Variants in GABRA3 observed in about 807,000 individuals in gnomAD.
The protein encoded by GABRA3 is gamma-aminobutyric acid type A receptor subunit alpha3, also known as gamma-aminobutyric acid receptor subunit alpha-3.
Under a neutral mutation model 30.1 loss-of-function variants are expected in GABRA3, and 10 were observed. The ratio of observed to expected loss-of-function variants is 0.33; its 90% CI spans 0.20 to 0.56. The LOEUF is 0.56. Ranked by LOEUF, GABRA3 falls within the 20% of genes least tolerant of loss-of-function variation. The pLI, the probability that GABRA3 is intolerant of heterozygous loss-of-function variation, is 0.89. For missense variants in GABRA3, 233 were observed against 392.0 expected (o/e 0.59, Z 3.42); for synonymous variants, 151 against 146.8 (o/e 1.03, Z -0.21).
rs370283601 is a variant in GABRA3, at chrX:152,269,201, T to A, written c.331-13203A>T. Among the ~76,000 whole-genome samples the A allele has an allele frequency of 5.4e-5, 6 of 111,982 alleles. No homozygotes were observed. The East Asian group carries it at 1.7e-3, about 31-fold the overall frequency. The stretch of plus-strand genomic sequence containing the variant: ...ATTCAAAAACAGTAACATTTATATA[T>A]GCCAATGTCAGACAAATCAAGAAGG... On this transcript the variant is annotated intron_variant, in intron 4 of 9. Transcript: ENST00000370314.
chrX:152,322,151 T>A (rs191091311), intron 3 of GABRA3, among the ~76,000 whole-genome samples: 6 of 112,390 alleles, frequency 5.3e-5, no homozygotes, highest in African/African-American at 1.9e-4. Context: ...TATTATTCAT[T>A]CATAAAAAAG....
At chrX:152,176,400 A>G (rs1937076367) in intron 9 of GABRA3, among the ~76,000 whole-genome samples, 1 of 111,934 alleles carries the variant, frequency 8.9e-6, no homozygotes, top group African/African-American at 3.2e-5. Flanking sequence ...TAATGAGGCT[A>G]GTGAAGAGGT....
rs1236363610 is a variant in GABRA3 at position 152,401,281 on chromosome X, TATATATAC to T, written c.-26-36693_-26-36686del. On this transcript the variant is annotated intron_variant, in intron 1 of 9. Coordinates refer to ENST00000370314, the MANE Select transcript of GABRA3 (RefSeq NM_000808.4). ...TTTAATGTGTGTATATATATATATA[TATATATAC>T]ACACACACACACACAAACACATATA... Among the ~76,000 whole-genome samples the T allele has an allele frequency of 8.7e-5, 9 of 103,293 alleles. No individual in the cohort carries two copies. In the South Asian group the frequency reaches 3.4e-3, roughly 39 times the overall value. The allele number at this position is 103,293 out of a possible 115,157, so 89.7% of individuals were successfully genotyped here. A position where few individuals can be genotyped will look rare whatever the true frequency, so the allele number is the denominator to read the frequency against.
At chrX:152,362,199 G>A (rs1174646931) in intron 2 of GABRA3, among the ~76,000 whole-genome samples, 3 of 110,099 alleles carry the variant, frequency 2.7e-5, no homozygotes, top group Non-Finnish European at 3.8e-5. Flanking sequence ...AAATAATTAG[G>A]AATACTTCCT....
intron 3 of GABRA3, among the ~76,000 whole-genome samples, chrX:152,308,609 C>G (rs989312802): frequency 8.9e-6 from 1 of 111,820 alleles, no homozygotes; most frequent in Non-Finnish European, 1.9e-5. Flanking sequence ...CAGTCAAACC[C>G]TAAACGGCAT....
intron 1 of GABRA3, among the ~76,000 whole-genome samples, chrX:152,376,285 AT>A (rs1231872359): frequency 3.8e-5 from 4 of 106,110 alleles, no homozygotes; most frequent in South Asian, 4.2e-4. Context: ...CAAAACTCTT[AT>A]TTTTTTTTTC....
intron 5 of GABRA3, among the ~76,000 whole-genome samples, chrX:152,241,307 CTCAGGGG>C (rs775228361): frequency 0.099 from 6,862 of 69,431 alleles, 1,080 homozygotes; most frequent in Non-Finnish European, 0.2. Context: ...AGTTAGGCTG[CTCAGGGG>C]TCAGGGGTCA....
chrX:152,270,991 C>T (rs1214183739), intron 4 of GABRA3, among the ~76,000 whole-genome samples: 1 of 105,493 alleles, frequency 9.5e-6, no homozygotes, highest in Non-Finnish European at 1.9e-5. Context: ...GAGAAAGCCT[C>T]GCTTTTGTCC....
At chrX:152,250,650 T>TCCTACACTGCTCCCAG (rs1938537558) in intron 5 of GABRA3, 1 of 111,310 alleles carries the variant, frequency 9.0e-6, no homozygotes, top group Non-Finnish European at 1.9e-5. Context: ...GTTCCAATTT[T>TCCTACACTGCTCCCAG]AGTATGTGTG....
At chrX:152,381,502 G>A (rs926647615) in intron 1 of GABRA3, among the ~76,000 whole-genome samples, 1 of 110,966 alleles carries the variant, frequency 9.0e-6, no homozygotes, top group Non-Finnish European at 1.9e-5. Flanking sequence ...TCTCATTCAC[G>A]GGGTTGTCTC....
chrX:152,322,495 A>T (rs1603241186), intron 3 of GABRA3, among the ~76,000 whole-genome samples: 1 of 111,023 alleles, frequency 9.0e-6, no homozygotes, highest in African/African-American at 3.3e-5. Context: ...TGTTATGTGA[A>T]TTTCACCACA....
At chrX:152,434,856 C>A (rs1044571479) in intron 1 of GABRA3, among the ~76,000 whole-genome samples, 4 of 111,276 alleles carry the variant, frequency 3.6e-5, no homozygotes, top group African/African-American at 1.3e-4. Flanking sequence ...ATAAAAATCC[C>A]TCACCAAACT....
chrX:152,354,530 C>G (rs978112016), intron 2 of GABRA3, among the ~76,000 whole-genome samples: 1 of 111,218 alleles, frequency 9.0e-6, no homozygotes, highest in Non-Finnish European at 1.9e-5. Flanking sequence ...CCATATTATG[C>G]CAAGAGAATA....
At chrX:152,244,925 G>C (rs1488622874) in intron 5 of GABRA3, among the ~76,000 whole-genome samples, 1 of 111,518 alleles carries the variant, frequency 9.0e-6, no homozygotes, top group East Asian at 2.8e-4. Context: ...TTAGACTTTT[G>C]CACATAGAAT....
At chrX:152,411,064 C>G (rs1206761146) in intron 1 of GABRA3, among the ~76,000 whole-genome samples, 1 of 111,966 alleles carries the variant, frequency 8.9e-6, no homozygotes, top group African/African-American at 3.2e-5. Context: ...AATCCCAGCA[C>G]TTGGGGAGGC....
chrX:152,435,601 G>A (rs927459557), intron 1 of GABRA3, among the ~76,000 whole-genome samples: 1 of 109,215 alleles, frequency 9.2e-6, no homozygotes, highest in Non-Finnish European at 1.9e-5. Flanking sequence ...GTCAGGGGGT[G>A]GGGGGCTAGG....
intron 1 of GABRA3, among the ~76,000 whole-genome samples, chrX:152,417,406 A>G (rs945951336): frequency 9.1e-6 from 1 of 110,357 alleles, no homozygotes; most frequent in Non-Finnish European, 1.9e-5. Flanking sequence ...GAGAAATAGG[A>G]ACACTTTTAC....
chrX:152,439,869 A>T (rs1168251308), intron 1 of GABRA3, among the ~76,000 whole-genome samples: 1 of 112,335 alleles, frequency 8.9e-6, no homozygotes, highest in Non-Finnish European at 1.9e-5. Flanking sequence ...ATAGCATAAA[A>T]GAAACAACAC....
chrX:152,305,702 C>G (rs1457231843), intron 3 of GABRA3, among the ~76,000 whole-genome samples: 1 of 110,862 alleles, frequency 9.0e-6, no homozygotes, highest in Non-Finnish European at 1.9e-5. Context: ...TGATTATATA[C>G]CACCACAACA....
Sources: gnomAD v4.1 joint callset for allele counts (sites outside exome capture counted in the v4.1 genomes callset) on GRCh38, gnomAD v4.1.1 for gene constraint, MANE v1.5 for transcripts, NCBI Gene and HGNC (gene_info 2026-07-23, HGNC 2026-07-21) for gene names.